Variants in SLC37A1 observed in about 807,000 individuals in gnomAD.
SLC37A1 encodes the protein solute carrier family 37 member 1.
Under a neutral mutation model 75.3 loss-of-function variants are expected in SLC37A1, and 49 were observed. The ratio of observed to expected loss-of-function variants is 0.65; its 90% CI spans 0.52 to 0.83. SLC37A1 has a LOEUF of 0.83. SLC37A1 is among the 40% of genes least tolerant of loss of function. The pLI is 0.00. For synonymous variants in SLC37A1, 268 were observed against 292.1 expected (o/e 0.92, Z 0.84); for missense variants, 566 against 695.0 (o/e 0.81, Z 2.09).
chr21:42,533,783 A>T (rs1424697825), intron 3 of SLC37A1, among the ~76,000 whole-genome samples: 1 of 152,160 alleles, frequency 6.6e-6, no homozygotes, highest in African/African-American at 2.4e-5. Context: ...CCTTGTCTGC[A>T]GAGGGGGAGA....
intron 9 of SLC37A1, among the ~76,000 whole-genome samples, chr21:42,553,703 T>C (rs2055611881): frequency 6.6e-6 from 1 of 151,910 alleles, no homozygotes. Context: ...TCGGCTGACC[T>C]AGGGAGGGCA....
At chr21:42,539,341 A>C (rs1263318952) in intron 5 of SLC37A1, among the ~76,000 whole-genome samples, 171 bp from the exon 6 acceptor site, 2 of 152,228 alleles carry the variant, frequency 1.3e-5, no homozygotes, top group African/African-American at 4.8e-5. Flanking sequence ...TCTGGTGAGT[A>C]AGCGCTCCAT....
At position 42,580,656 on chromosome 21, in the gene SLC37A1, C is replaced by T; in HGVS notation, c.*296C>T. On this transcript the variant is annotated 3_prime_UTR_variant, in exon 20 of 20. Coordinates refer to ENST00000352133, the MANE Select transcript of SLC37A1 (RefSeq NM_001320537.2). ...GTGTGCCCATGCAGCCACCCAAATG[C>T]ACGCGTGACAACAAGGCCGGGAGGG... The T allele has an allele frequency of 2.4e-6, 1 of 410,352 alleles. No homozygotes were observed. Among genetic ancestry groups the T allele is most frequent in the Non-Finnish European group, 4.4e-6 (1 of 229,642 alleles). 25.4% of individuals were successfully genotyped at this position (410,352 alleles called of 1,614,324 possible).
In SLC37A1 at chr21:42,561,483, G is replaced by A. The variant is rs141849026; in HGVS notation, c.982-595G>A. Reference sequence around the variant, plus strand: ...ACGCCTGTGTGCTGACACAATGGTCGGAATTGTTTCATCTGTGTGTTTCCA... The same window carrying A: ...ACGCCTGTGTGCTGACACAATGGTCAGAATTGTTTCATCTGTGTGTTTCCA... On this transcript the variant is annotated intron_variant, in intron 11 of 19. Transcript: ENST00000352133. The A allele has an allele frequency of 3.7e-3, 582 of 156,990 alleles. 4 individuals carry two copies. Among genetic ancestry groups the A allele is most frequent in the African/African-American group, 0.013 (549 of 41,576 alleles). The allele number at this position is 156,990 out of a possible 1,614,324, so 9.7% of individuals were successfully genotyped here. A position where few individuals can be genotyped will look rare whatever the true frequency, so the allele number is the denominator to read the frequency against.
At chr21:42,572,679 A>C (rs73908208) in intron 17 of SLC37A1, among the ~76,000 whole-genome samples, 1,293 of 66,462 alleles carry the variant, frequency 0.019, 27 homozygotes, top group African/African-American at 0.046. Flanking sequence ...CACACACACA[A>C]AAAAAAAAAA....
rs2055896340 is a variant in SLC37A1, at chr21:42,563,742, TTC to T, written c.1073-71_1073-70del. On this transcript the variant is annotated intron_variant, in intron 12 of 19. Coordinates refer to ENST00000352133, the MANE Select transcript of SLC37A1 (RefSeq NM_001320537.2). ...GCCAGAGTCCCGTGCACGGGTCCTG[TTC>T]TGCCATGGTGTGTCGCTGCGATGCG... 5.5e-6 allele frequency: 8 copies of T among 1,441,724 alleles called. No individual in the cohort carries two copies. In the South Asian group the frequency reaches 9.2e-5, roughly 17 times the overall value. 89.3% of individuals were successfully genotyped at this position (1,441,724 alleles called of 1,614,324 possible).
At chr21:42,565,489 G>C (rs980163470) in intron 14 of SLC37A1, among the ~76,000 whole-genome samples, 2 of 152,220 alleles carry the variant, frequency 1.3e-5, no homozygotes, top group Admixed American at 6.5e-5. Flanking sequence ...GGCAGCCTGA[G>C]GACTTGGCAG....
intron 8 of SLC37A1, among the ~76,000 whole-genome samples, chr21:42,546,420 G>A (rs548566388): frequency 3.9e-4 from 59 of 152,272 alleles, no homozygotes; most frequent in African/African-American, 1.1e-3. Context: ...CCTCATTACA[G>A]ACATTCTTCC....
At chr21:42,517,205 A>G (rs1296465198) in intron 1 of SLC37A1, among the ~76,000 whole-genome samples, 1 of 152,226 alleles carries the variant, frequency 6.6e-6, no homozygotes, top group Non-Finnish European at 1.5e-5. Context: ...TTGCATGTTT[A>G]TAACAACATG....
chr21:42,557,775 T>A (rs1226973196), intron 10 of SLC37A1, among the ~76,000 whole-genome samples: 2 of 122,916 alleles, frequency 1.6e-5, no homozygotes, highest in African/African-American at 6.7e-5. Flanking sequence ...TGGAATACAT[T>A]ACCATTTTCT....
At chr21:42,528,661 A>G (rs948398760) in intron 3 of SLC37A1, among the ~76,000 whole-genome samples, 2 of 152,132 alleles carry the variant, frequency 1.3e-5, no homozygotes, top group Non-Finnish European at 2.9e-5. Context: ...CCCTATCTAT[A>G]CTAAAAATAC....
At chr21:42,575,751 T>C (rs2056295117) in intron 18 of SLC37A1, 2 of 985,274 alleles carry the variant, frequency 2.0e-6, no homozygotes, top group South Asian at 9.4e-5. Flanking sequence ...ATGAAAGTCT[T>C]ATATTTTAAT....
At chr21:42,570,229 C>CTCAGAAAGCCA in intron 17 of SLC37A1, among the ~76,000 whole-genome samples, 1 of 88,532 alleles carries the variant, frequency 1.1e-5, no homozygotes, top group African/African-American at 3.9e-5. Context: ...GTGGCCGTTG[C>CTCAGAAAGCCA]CATGTCATGT....
At position 42,567,174 on chromosome 21, in the gene SLC37A1, C is replaced by T. The variant is rs113912355; in HGVS notation, c.1344+116C>T. On this transcript the variant is annotated intron_variant, in intron 16 of 19. Coordinates refer to ENST00000352133, the MANE Select transcript of SLC37A1 (RefSeq NM_001320537.2). Reference sequence around the variant, plus strand: ...TGCATTTGCAGAAGCACGTTTTTGGCAGCTCACCTACACCTGTGGTCTCCA... The same window carrying T: ...TGCATTTGCAGAAGCACGTTTTTGGTAGCTCACCTACACCTGTGGTCTCCA... 648 of 1,027,594 alleles carry T rather than the reference C, an allele frequency of 6.3e-4. 3 individuals carry two copies. In the African/African-American group the frequency reaches 8.8e-3, roughly 14 times the overall value. The allele number at this position is 1,027,594 out of a possible 1,614,324, so 63.7% of individuals were successfully genotyped here.
intron 1 of SLC37A1, among the ~76,000 whole-genome samples, chr21:42,516,824 G>A (rs1317099484): frequency 3.3e-5 from 5 of 152,140 alleles, no homozygotes; most frequent in Non-Finnish European, 1.5e-5. Flanking sequence ...AGAGGAAGAC[G>A]TTTGCTTCTG....
chr21:42,513,235 G>A (rs1161830998), upstream of SLC37A1, among the ~76,000 whole-genome samples: 2 of 152,060 alleles, frequency 1.3e-5, no homozygotes, highest in African/African-American at 4.8e-5. Flanking sequence ...GGGAGCCTGT[G>A]TGCCAGGGCA....
intron 5 of SLC37A1, among the ~76,000 whole-genome samples, chr21:42,536,408 A>C (rs560236819): frequency 7.2e-5 from 11 of 152,152 alleles, no homozygotes; most frequent in Admixed American, 6.5e-4. Context: ...CAGGTGGTGA[A>C]TATTATATGG....
chr21:42,527,170 A>T (rs966477370), intron 3 of SLC37A1, among the ~76,000 whole-genome samples: 1 of 152,270 alleles, frequency 6.6e-6, no homozygotes, highest in East Asian at 1.9e-4. Flanking sequence ...AACTGCCTTG[A>T]GTGCTACGTG....
In SLC37A1 at chr21:42,545,057, T is replaced by C. The variant is rs1177453208; in HGVS notation, c.730+1455T>C. 6.6e-6 allele frequency among the ~76,000 whole-genome samples: 1 copy of C among 152,218 alleles called. No homozygotes were observed. Among genetic ancestry groups the C allele is most frequent in the Admixed American group, 6.5e-5 (1 of 15,288 alleles). Reference sequence around the variant, plus strand: ...CCCGCTCCAGGCATTCACGGCCCTATGTTGATGTTTGTCTCTGTAAGCAGA... The same window carrying C: ...CCCGCTCCAGGCATTCACGGCCCTACGTTGATGTTTGTCTCTGTAAGCAGA... On this transcript the variant is annotated intron_variant, in intron 8 of 19. Coordinates refer to ENST00000352133, the MANE Select transcript of SLC37A1 (RefSeq NM_001320537.2). The surrounding 1 kb of genome is among the most constrained non-coding windows in gnomAD (Gnocchi z 4.0).
Sources: allele counts gnomAD v4.1 joint callset (sites outside exome capture counted in the v4.1 genomes callset), GRCh38; gene constraint gnomAD v4.1.1; non-coding constraint Gnocchi (gnomAD v3.1); transcripts MANE v1.5; gene names NCBI Gene and HGNC (gene_info 2026-07-23, HGNC 2026-07-21).